Variants in RBM25 observed in about 807,000 individuals in gnomAD.
RBM25 encodes RNA-binding protein 25.
Under a neutral mutation model 120.7 loss-of-function variants are expected in RBM25, and 19 were observed. The observed-to-expected ratio is 0.16, with a 90% CI of 0.11 to 0.23. RBM25 has a LOEUF of 0.23. RBM25 is among the 10% of genes least tolerant of loss of function. The pLI is 1.00. For synonymous variants in RBM25, 390 were observed against 326.7 expected (o/e 1.19, Z -2.09); for missense variants, 605 against 1,041.5 (o/e 0.58, Z 5.77).
intron 10 of RBM25, among the ~76,000 whole-genome samples, chr14:73,104,299 C>CT (rs1367133155): frequency 6.6e-6 from 1 of 151,882 alleles, no homozygotes; most frequent in Non-Finnish European, 1.5e-5. Context: ...CTATCTACCT[C>CT]TACCTCTGGC....
chr14:73,117,073 G>T (rs1056575431), intron 18 of RBM25, among the ~76,000 whole-genome samples: 1 of 152,042 alleles, frequency 6.6e-6, no homozygotes, highest in South Asian at 2.1e-4. Flanking sequence ...ACTCAGATGT[G>T]AATTAGTGTT....
intron 18 of RBM25, among the ~76,000 whole-genome samples, chr14:73,115,733 A>G (rs1020193201): frequency 6.6e-6 from 1 of 152,244 alleles, no homozygotes; most frequent in African/African-American, 2.4e-5. Flanking sequence ...TTAGGAAGAG[A>G]AGAAAATAGT....
At chr14:73,116,609 T>A (rs542531888) in intron 18 of RBM25, among the ~76,000 whole-genome samples, 2 of 152,300 alleles carry the variant, frequency 1.3e-5, no homozygotes, top group Admixed American at 1.3e-4. Flanking sequence ...TTCTGAACTT[T>A]CCTGAAGCTT....
intron 3 of RBM25, among the ~76,000 whole-genome samples, chr14:73,076,856 G>T (rs77239552): frequency 0.016 from 2,447 of 152,300 alleles, 47 homozygotes; most frequent in East Asian, 0.049. Flanking sequence ...CATAGGCCAG[G>T]ATCACCTGAG....
At chr14:73,094,276 T>C (rs1361786392) in intron 6 of RBM25, among the ~76,000 whole-genome samples, 1 of 151,528 alleles carries the variant, frequency 6.6e-6, no homozygotes, top group Non-Finnish European at 1.5e-5. Context: ...GTTGTTGTTA[T>C]TGTTTTTTTT....
intron 17 of RBM25, among the ~76,000 whole-genome samples, chr14:73,112,632 G>T (rs181110791): frequency 6.6e-6 from 1 of 152,044 alleles, no homozygotes; most frequent in African/African-American, 2.4e-5. Flanking sequence ...TTTTTTGGAC[G>T]TAGCCAATAT....
At chr14:73,088,437 A>T (rs1449295416) in intron 6 of RBM25, 1 of 551,622 alleles carries the variant, frequency 1.8e-6, no homozygotes, top group South Asian at 1.5e-5. Context: ...GGTACAGACT[A>T]TTCCAAACAG....
At chr14:73,107,078 T>C (rs1424483200) in intron 12 of RBM25, among the ~76,000 whole-genome samples, 2 of 152,102 alleles carry the variant, frequency 1.3e-5, no homozygotes, top group East Asian at 3.9e-4. Context: ...TGTCCTCAAA[T>C]GATCTGCCTG....
In RBM25 at chr14:73,081,104, C is replaced by T. The variant is rs977179362; in HGVS notation, c.325-2390C>T. Reference sequence around the variant, plus strand: ...CCTCCCAAAGTGCTGGGATTACATGCGTGAGCCACTGCCTAGTCCATTTTC... The same window carrying T: ...CCTCCCAAAGTGCTGGGATTACATGTGTGAGCCACTGCCTAGTCCATTTTC... On this transcript the variant is annotated intron_variant, in intron 4 of 18. Coordinates refer to ENST00000261973, the MANE Select transcript of RBM25 (RefSeq NM_021239.3). 4.0e-5 allele frequency among the ~76,000 whole-genome samples: 6 copies of T among 151,554 alleles called. No homozygotes were observed. In the South Asian group the frequency reaches 6.3e-4, roughly 16 times the overall value.
At chr14:73,083,732 GAGATC>G (rs138589597) in intron 5 of RBM25, among the ~76,000 whole-genome samples, 181 bp downstream of exon 5, 1,816 of 152,144 alleles carry the variant, frequency 0.012, 35 homozygotes, top group African/African-American at 0.042. Flanking sequence ...GCTGAGAATT[GAGATC>G]AGAAGGAGGA....
chr14:73,099,611 T>TA (rs1896019357), intron 8 of RBM25, 56 bp from the exon 9 acceptor site: 11 of 1,587,336 alleles, frequency 6.9e-6, no homozygotes, highest in Non-Finnish European at 9.4e-6. Flanking sequence ...CTTTAACTGT[T>TA]TATATTGAAG....
intron 1 of RBM25, among the ~76,000 whole-genome samples, chr14:73,061,966 T>G (rs1594891634): frequency 1.3e-5 from 2 of 151,308 alleles, no homozygotes; most frequent in East Asian, 3.9e-4. Flanking sequence ...GTTTGGGAGT[T>G]TTGCCCTTCT....
chr14:73,115,351 T>C (rs1896404962), intron 18 of RBM25, among the ~76,000 whole-genome samples: 1 of 152,148 alleles, frequency 6.6e-6, no homozygotes, highest in Non-Finnish European at 1.5e-5. Context: ...ATAGGCCCCA[T>C]TGTGTGTTGT....
intron 10 of RBM25, among the ~76,000 whole-genome samples, chr14:73,104,429 TAC>T: frequency 6.6e-6 from 1 of 152,034 alleles, no homozygotes; most frequent in Admixed American, 6.6e-5. Context: ...AGTGCAGTGG[TAC>T]AGTGTTGGCT....
chr14:73,104,875 G>A (rs1896146591), intron 10 of RBM25, among the ~76,000 whole-genome samples: 1 of 152,090 alleles, frequency 6.6e-6, no homozygotes, highest in African/African-American at 2.4e-5. Context: ...CTAGTTGCTA[G>A]AACTGGAAAC....
At chr14:73,112,303 T>G in intron 17 of RBM25, 53 bp downstream of exon 17, 3 of 1,456,884 alleles carry the variant, frequency 2.1e-6, no homozygotes, top group Non-Finnish European at 2.7e-6. Flanking sequence ...ATTAAAATAT[T>G]AGACACTTCT....
chr14:73,062,352 T>A (rs1033030877), intron 1 of RBM25, among the ~76,000 whole-genome samples: 21 of 151,492 alleles, frequency 1.4e-4, no homozygotes, highest in African/African-American at 4.3e-4. Flanking sequence ...TGACACATAA[T>A]TGGAAGTAGA....
At chr14:73,092,302 A>G (rs1361296323) in intron 6 of RBM25, among the ~76,000 whole-genome samples, 1 of 151,940 alleles carries the variant, frequency 6.6e-6, no homozygotes, top group Non-Finnish European at 1.5e-5. Context: ...ATGGGTGGCT[A>G]CTGCCGCCAT....
chr14:73,111,836 G>A (rs757105451), intron 16 of RBM25, 34 bp downstream of exon 16: 12 of 1,533,688 alleles, frequency 7.8e-6, no homozygotes, highest in Non-Finnish European at 1.0e-5. Flanking sequence ...CATATTATTG[G>A]GAACAGTTGG....
Sources: gnomAD v4.1 joint callset for allele counts (sites outside exome capture counted in the v4.1 genomes callset) on GRCh38, gnomAD v4.1.1 for gene constraint, MANE v1.5 for transcripts, NCBI Gene and HGNC (gene_info 2026-07-23, HGNC 2026-07-21) for gene names.